Variants in NR1H4 observed in about 807,000 individuals in gnomAD.
NR1H4 encodes the protein bile acid receptor.
Under a neutral mutation model 58.5 loss-of-function variants are expected in NR1H4, and 23 were observed. The ratio of observed to expected loss-of-function variants is 0.39; its 90% confidence interval spans 0.28 to 0.56. NR1H4 has a LOEUF of 0.56. Among genes scored for constraint, NR1H4 ranks in the 20% least tolerant of loss-of-function variants. The pLI is 0.58. For synonymous variants in NR1H4, 214 were observed against 198.0 expected, an observed-to-expected ratio of 1.08 and a Z score of -0.68; for missense variants, 487 against 576.9, an observed-to-expected ratio of 0.84 and a Z score of 1.60.
intron 3 of NR1H4, among the ~76,000 whole-genome samples, chr12:100,496,850 A>G (rs562490456): frequency 3.9e-4 from 60 of 152,298 alleles, no homozygotes; most frequent in Non-Finnish European, 6.3e-4. Flanking sequence ...GGAGACAATA[A>G]TGACCTTTTC....
chr12:100,556,474 A>C (rs1955328863), intron 9 of NR1H4, among the ~76,000 whole-genome samples: 1 of 151,734 alleles, frequency 6.6e-6, no homozygotes, highest in African/African-American at 2.4e-5. Flanking sequence ...TCTCAAAGAA[A>C]AAAAAAACAA....
chr12:100,523,697 G>A lies in NR1H4; in HGVS notation c.446-8761G>A, dbSNP rs371184897. On this transcript the variant is annotated intron_variant, in intron 4 of 10. Transcript: ENST00000392986. ...GTGAATTCTTATTTGTTATTCCTCT[G>A]TTCATTCAACCTCCCCAGTCTGGGT... 2.6e-5 allele frequency among the ~76,000 whole-genome samples: 4 copies of A among 152,184 alleles called. No individual in the cohort carries two copies. In the South Asian group the frequency reaches 8.3e-4, roughly 32 times the overall value.
chr12:100,517,178 C>T (rs2136183439), intron 4 of NR1H4, among the ~76,000 whole-genome samples: 1 of 152,234 alleles, frequency 6.6e-6, no homozygotes, highest in Admixed American at 6.5e-5. Context: ...ATTTCACTGT[C>T]CCCTTCTCCC....
At chr12:100,519,589 T>G (rs1420983963) in intron 4 of NR1H4, among the ~76,000 whole-genome samples, 1 of 152,194 alleles carries the variant, frequency 6.6e-6, no homozygotes, top group Non-Finnish European at 1.5e-5. Flanking sequence ...TTGGGATGCC[T>G]GGCTTCCCAG....
intron 8 of NR1H4, among the ~76,000 whole-genome samples, chr12:100,538,659 T>C (rs1954866357): frequency 6.6e-6 from 1 of 152,232 alleles, no homozygotes; most frequent in African/African-American, 2.4e-5. Flanking sequence ...ATACCTTGTA[T>C]AGCAGCATAA....
chr12:100,511,028 G>A lies in NR1H4; in HGVS notation c.330G>A (p.Lys110=). ...AGGTAGCAGAGATGCCTGTAACAAA[G>A]AAGCCCCGCATGGGCGCGTCAGCAG... ...ETEVAEMPVT[K]KPRMGASAGR... is the part of the protein sequence containing the mutation. The change falls in exon 4 of 11, where the codon AAG becomes AAA. Residue 110 remains lysine, a synonymous_variant. Coordinates refer to ENST00000392986, the MANE Select transcript of NR1H4 (RefSeq NM_001206979.2). 1 of 1,614,254 alleles carries A rather than the reference G, an allele frequency of 6.2e-7. No individual in the cohort carries two copies. Among genetic ancestry groups the A allele is most frequent in the Non-Finnish European group, 8.5e-7 (1 of 1,180,046 alleles).
rs755933835 is a variant in NR1H4, at chr12:100,536,568, A to T, written c.789A>T (p.Ser263=). ...QQTLLHFIMD[S]YNKQRMPQEI... Reference sequence around the variant, plus strand: ...CTCTTCTACATTTTATTATGGATTCATATAACAAACAGAGGATGCCTCAGG... The same window carrying T: ...CTCTTCTACATTTTATTATGGATTCTTATAACAAACAGAGGATGCCTCAGG... Residue 263 remains serine (S), a synonymous_variant, in exon 7 of 11, where the codon TCA becomes TCT. Transcript: ENST00000392986. The T allele has an allele frequency of 6.2e-7, 1 of 1,608,328 alleles. No homozygotes were observed. Among genetic ancestry groups the T allele is most frequent in the Non-Finnish European group, 8.5e-7 (1 of 1,174,944 alleles).
In NR1H4 at chr12:100,558,119, G is replaced by A. The variant is rs191828720; in HGVS notation, c.1079-3766G>A. On this transcript the variant is annotated intron_variant, in intron 9 of 10. Transcript: ENST00000392986. ...CTCACGCCTATAATCCCAGCACTTT[G>A]GGAGGCTGAGGTGGGTGGATCACAA... is the stretch of plus-strand genomic sequence containing the variant. Among the ~76,000 whole-genome samples the A allele has an allele frequency of 3.1e-3, 465 of 151,446 alleles. 2 individuals carry two copies. Among genetic ancestry groups the A allele is most frequent in the Non-Finnish European group, 2.9e-3 (198 of 67,886 alleles).
intron 9 of NR1H4, among the ~76,000 whole-genome samples, chr12:100,546,318 A>G (rs1429236236): frequency 6.6e-6 from 1 of 152,150 alleles, no homozygotes; most frequent in African/African-American, 2.4e-5. Flanking sequence ...ATCAGTCCCA[A>G]GTATCTGTTC....
At chr12:100,513,907 T>A (rs1245631828) in intron 4 of NR1H4, among the ~76,000 whole-genome samples, 4 of 151,514 alleles carry the variant, frequency 2.6e-5, no homozygotes, top group Admixed American at 2.6e-4. Context: ...AGCCTTGAAC[T>A]GGAATTAAAA....
intron 3 of NR1H4, among the ~76,000 whole-genome samples, chr12:100,505,317 C>T (rs1953934282): frequency 6.6e-6 from 1 of 152,188 alleles, no homozygotes; most frequent in Non-Finnish European, 1.5e-5. Flanking sequence ...GTCCCAAACT[C>T]CTTAGAGCTG....
At chr12:100,501,749 C>T in intron 3 of NR1H4, among the ~76,000 whole-genome samples, 1 of 152,164 alleles carries the variant, frequency 6.6e-6, no homozygotes, top group Middle Eastern at 3.2e-3. Context: ...TATTTACTAT[C>T]TCATTTTATC....
chr12:100,510,381 G>A (rs769146638), intron 3 of NR1H4, among the ~76,000 whole-genome samples: 91 of 152,086 alleles, frequency 6.0e-4, no homozygotes, highest in Non-Finnish European at 6.0e-4. Context: ...AAACTGTAAT[G>A]TTTTAGTTTC....
chr12:100,492,279 A>G (rs1953621068), intron 1 of NR1H4, among the ~76,000 whole-genome samples: 1 of 152,192 alleles, frequency 6.6e-6, no homozygotes, highest in African/African-American at 2.4e-5. Flanking sequence ...AGATACGAAT[A>G]ATGGGGAAAT....
chr12:100,515,279 T>G (rs1954235986), intron 4 of NR1H4, among the ~76,000 whole-genome samples: 1 of 150,638 alleles, frequency 6.6e-6, no homozygotes, highest in Non-Finnish European at 1.5e-5. Flanking sequence ...CAAGTGATTC[T>G]CCTGCCTCAG....
chr12:100,527,527 G>C (rs1027732882), intron 4 of NR1H4, among the ~76,000 whole-genome samples: 1 of 152,126 alleles, frequency 6.6e-6, no homozygotes, highest in Admixed American at 6.5e-5. Context: ...GCAAGACCTT[G>C]TCTAAAAAAA....
intron 1 of NR1H4, among the ~76,000 whole-genome samples, chr12:100,492,041 T>C (rs2136101733): frequency 6.6e-6 from 1 of 152,366 alleles, no homozygotes; most frequent in African/African-American, 2.4e-5. Flanking sequence ...CTAATTAAGC[T>C]TGATATCATG....
At chr12:100,506,357 C>T (rs958011473) in intron 3 of NR1H4, among the ~76,000 whole-genome samples, 1 of 152,182 alleles carries the variant, frequency 6.6e-6, no homozygotes, top group South Asian at 2.1e-4. Context: ...GGTCAGTTAA[C>T]TGTGGAAGTT....
At chr12:100,495,333 T>C (rs1953690922) in intron 3 of NR1H4, among the ~76,000 whole-genome samples, 1 of 152,234 alleles carries the variant, frequency 6.6e-6, no homozygotes, top group African/African-American at 2.4e-5. Flanking sequence ...TGACCATGTG[T>C]GACCATTAGG....
Sources: allele counts gnomAD v4.1 joint callset (sites outside exome capture counted in the v4.1 genomes callset), GRCh38; gene constraint gnomAD v4.1.1; transcripts MANE v1.5; gene names NCBI Gene and HGNC (gene_info 2026-07-23, HGNC 2026-07-21).